SDK1: variants seen among roughly 807,000 people sequenced by gnomAD.
SDK1 encodes the protein protein sidekick-1.
SDK1 carries 157 observed loss-of-function variants against 245.5 expected under a neutral mutation model. The observed-to-expected ratio is 0.64, with a 90% CI of 0.56 to 0.73. The LOEUF (loss-of-function observed/expected upper bound fraction) is 0.73, where lower values mean the gene tolerates loss of function less well. Among genes scored for constraint, SDK1 ranks in the 30% least tolerant of loss-of-function variants. SDK1 has a pLI of 0.00. For missense variants in SDK1, 3,583 were observed against 3,002.3 expected (o/e 1.19, Z -4.52); for synonymous variants, 1,647 against 1,278.5 (o/e 1.29, Z -6.15).
rs561138552 is a variant in SDK1 at position 3,732,776 on chromosome 7, C to T, written c.714-88674C>T. 1.1e-3 allele frequency among the ~76,000 whole-genome samples: 172 copies of T among 152,260 alleles called. 1 individual carries two copies. The highest frequency in any genetic ancestry group is 3.7e-3 in the African/African-American group (154 of 41,540). The stretch of plus-strand genomic sequence containing the variant: ...AAGATGCCATAGCAGCTTCAATAAG[C>T]CTCATATGGCCATGGTTGTGAGGCA... On this transcript the variant is annotated intron_variant, in intron 4 of 44. Coordinates refer to ENST00000404826, the MANE Select transcript of SDK1 (RefSeq NM_152744.4).
chr7:4,163,584 G>A (rs1781307154), intron 32 of SDK1, among the ~76,000 whole-genome samples: 1 of 152,240 alleles, frequency 6.6e-6, no homozygotes, highest in Non-Finnish European at 1.5e-5. Flanking sequence ...AAGGGACAGT[G>A]GCTTCACTTT....
intron 1 of SDK1, among the ~76,000 whole-genome samples, chr7:3,387,632 G>A (rs1781641873): frequency 6.6e-6 from 1 of 152,168 alleles, no homozygotes; most frequent in Non-Finnish European, 1.5e-5. Context: ...GCTTAAGAGA[G>A]TTCTGGGGAT....
At chr7:3,453,660 G>T (rs576203849) in intron 1 of SDK1, among the ~76,000 whole-genome samples, 21 of 152,288 alleles carry the variant, frequency 1.4e-4, no homozygotes, top group African/African-American at 4.8e-4. Context: ...AGGGAGAGCA[G>T]CCTGGAACTT....
At chr7:3,627,835 A>T (rs1176976208) in intron 2 of SDK1, among the ~76,000 whole-genome samples, 3 of 152,188 alleles carry the variant, frequency 2.0e-5, no homozygotes, top group African/African-American at 7.2e-5. Flanking sequence ...GATATAAAAA[A>T]TCCACATATT....
chr7:3,941,822 G>T (rs1471764730), intron 5 of SDK1, among the ~76,000 whole-genome samples: 1 of 152,054 alleles, frequency 6.6e-6, no homozygotes, highest in Admixed American at 6.5e-5. Flanking sequence ...GAAATAAGAG[G>T]CAGTTGTTAC....
At chr7:4,171,209 G>A (rs144503952) in intron 32 of SDK1, among the ~76,000 whole-genome samples, 8 of 152,340 alleles carry the variant, frequency 5.3e-5, no homozygotes, top group East Asian at 3.9e-4. Flanking sequence ...GGACCCTGCC[G>A]TGCCTTGCTG....
intron 4 of SDK1, among the ~76,000 whole-genome samples, chr7:3,704,742 T>G (rs1177585419): frequency 6.6e-6 from 1 of 152,172 alleles, no homozygotes; most frequent in Non-Finnish European, 1.5e-5. Flanking sequence ...GCTTTTGAGG[T>G]CTCAGTCATG....
chr7:3,349,756 C>A (rs530672827), intron 1 of SDK1, among the ~76,000 whole-genome samples: 1 of 137,508 alleles, frequency 7.3e-6, no homozygotes, highest in East Asian at 2.1e-4. Flanking sequence ...CCTGCCACCA[C>A]GCCTGGTTAA....
At chr7:3,444,039 C>T (rs987946372) in intron 1 of SDK1, among the ~76,000 whole-genome samples, 2 of 152,250 alleles carry the variant, frequency 1.3e-5, no homozygotes, top group Non-Finnish European at 2.9e-5. Flanking sequence ...GTTGTGCAGC[C>T]TTCCTGCCTG....
intron 12 of SDK1, among the ~76,000 whole-genome samples, chr7:3,973,816 G>T (rs1026639060): frequency 5.9e-5 from 9 of 152,084 alleles, no homozygotes; most frequent in African/African-American, 1.9e-4. Context: ...ATGTGTTTTT[G>T]TATTATGACC....
chr7:3,788,563 G>A (rs911539449), intron 4 of SDK1, among the ~76,000 whole-genome samples: 1 of 152,096 alleles, frequency 6.6e-6, no homozygotes, highest in African/African-American at 2.4e-5. Context: ...TATACCTTTT[G>A]GTCAGGGGTG....
chr7:3,443,025 C>A (rs759606839), intron 1 of SDK1, among the ~76,000 whole-genome samples: 17 of 151,604 alleles, frequency 1.1e-4, no homozygotes, highest in African/African-American at 4.1e-4. Flanking sequence ...CAACACAATA[C>A]CCTATCCATA....
intron 29 of SDK1, among the ~76,000 whole-genome samples, chr7:4,146,652 C>A (rs982381543): frequency 1.3e-5 from 2 of 152,238 alleles, no homozygotes; most frequent in African/African-American, 4.8e-5. Flanking sequence ...AGCCCCCAGT[C>A]TCTGATGTTA....
intron 4 of SDK1, among the ~76,000 whole-genome samples, chr7:3,712,734 A>G (rs1785085219): frequency 1.3e-5 from 2 of 152,222 alleles, no homozygotes; most frequent in Non-Finnish European, 1.5e-5. Context: ...AGAAATGGGT[A>G]CAAGAGTATA....
chr7:3,682,272 A>G (rs995576026), intron 4 of SDK1, among the ~76,000 whole-genome samples: 1 of 152,222 alleles, frequency 6.6e-6, no homozygotes, highest in Non-Finnish European at 1.5e-5. Flanking sequence ...CTTACTAAAC[A>G]GCAGAGCTGA....
At chr7:4,182,023 A>C (rs1051910112) in intron 35 of SDK1, among the ~76,000 whole-genome samples, 1 of 152,090 alleles carries the variant, frequency 6.6e-6, no homozygotes, top group East Asian at 1.9e-4. Context: ...AGGTTCAAGC[A>C]ATTCTCCTGC....
At chr7:3,893,799 G>A (rs911619913) in intron 5 of SDK1, among the ~76,000 whole-genome samples, 2 of 151,624 alleles carry the variant, frequency 1.3e-5, no homozygotes, top group Admixed American at 1.3e-4. Flanking sequence ...TGGTGATTTC[G>A]TGATCCCAGT....
At position 4,077,019 on chromosome 7, in the gene SDK1, T is replaced by C. The variant is rs374991420; in HGVS notation, c.3032T>C (p.Val1011Ala). The C allele has an allele frequency of 6.8e-6, 11 of 1,614,014 alleles. No homozygotes were observed. Among genetic ancestry groups the C allele is most frequent in the African/African-American group, 5.3e-5 (4 of 74,928 alleles). ...CTAGGCTATCAGATCTCTTGGGAAG[T>C]GTACGGCAGGAACGACTCTCGTCTC... ...IITGYQISWE[V>A]YGRNDSRLTH... The change falls in exon 21 of 45, where the codon GTG becomes GCG. Residue 1011 changes from valine (V) to alanine (A), a missense_variant. Val to Ala is a moderately conservative substitution (Grantham distance 64). Coordinates refer to ENST00000404826, the MANE Select transcript of SDK1 (RefSeq NM_152744.4).
chr7:3,943,180 A>C (rs1006893338), intron 5 of SDK1, among the ~76,000 whole-genome samples: 2 of 152,194 alleles, frequency 1.3e-5, no homozygotes, highest in Non-Finnish European at 2.9e-5. Flanking sequence ...TTTAGGGCAT[A>C]GACTTTTCCT....
Sources: allele counts gnomAD v4.1 joint callset (sites outside exome capture counted in the v4.1 genomes callset), GRCh38; gene constraint gnomAD v4.1.1; transcripts MANE v1.5; gene names NCBI Gene and HGNC (gene_info 2026-07-23, HGNC 2026-07-21).